Variants in SMYD3 observed in about 807,000 individuals in gnomAD.
The protein encoded by SMYD3 is SET and MYND domain containing 3, also known as histone-lysine N-methyltransferase SMYD3.
Under a neutral mutation model 57.7 loss-of-function variants are expected in SMYD3, and 36 were observed. That is an observed-to-expected ratio of 0.62 (90% CI 0.48 to 0.82). The LOEUF (loss-of-function observed/expected upper bound fraction) is 0.82. SMYD3 is among the 40% of genes least tolerant of loss of function. SMYD3 has a pLI of 0.00. For missense variants in SMYD3, 515 were observed against 538.8 expected, an observed-to-expected ratio of 0.96 and a Z score of 0.44; for synonymous variants, 211 against 195.0, an observed-to-expected ratio of 1.08 and a Z score of -0.68.
At chr1:245,752,423 A>T (rs2045429301) in intron 11 of SMYD3, among the ~76,000 whole-genome samples, 1 of 152,130 alleles carries the variant, frequency 6.6e-6, no homozygotes, top group Non-Finnish European at 1.5e-5. Flanking sequence ...CAGGTTCCCC[A>T]TCTGAAGAAT....
chr1:246,152,927 G>C (rs187531251), intron 5 of SMYD3, among the ~76,000 whole-genome samples: 56 of 152,290 alleles, frequency 3.7e-4, no homozygotes, highest in Admixed American at 3.6e-3. Flanking sequence ...CTCAATAAAT[G>C]TTAGCAATTT....
At chr1:245,780,517 T>C (rs2046786509) in intron 10 of SMYD3, among the ~76,000 whole-genome samples, 2 of 152,148 alleles carry the variant, frequency 1.3e-5, no homozygotes, top group African/African-American at 4.8e-5. Context: ...ATTAGTAGTT[T>C]CCATGGGATG....
chr1:245,958,535 T>C (rs933286914), intron 5 of SMYD3, among the ~76,000 whole-genome samples: 3 of 152,156 alleles, frequency 2.0e-5, no homozygotes, highest in African/African-American at 7.2e-5. Context: ...AGCTCAAGGG[T>C]TGCCTCCTTC....
At chr1:246,157,490 G>A (rs994370100) in intron 5 of SMYD3, among the ~76,000 whole-genome samples, 4 of 152,110 alleles carry the variant, frequency 2.6e-5, no homozygotes, top group Non-Finnish European at 5.9e-5. Flanking sequence ...GATGCCAACA[G>A]ACATTCCCTC....
At chr1:245,766,420 A>T (rs1030898283) in intron 10 of SMYD3, among the ~76,000 whole-genome samples, 173 of 147,696 alleles carry the variant, frequency 1.2e-3, no homozygotes, top group African/African-American at 4.1e-3. Flanking sequence ...AAAAAAAAAA[A>T]AAAGGCTGAA....
At chr1:246,251,488 G>C (rs1378106546) in intron 5 of SMYD3, among the ~76,000 whole-genome samples, 1 of 136,532 alleles carries the variant, frequency 7.3e-6, no homozygotes, top group Non-Finnish European at 1.6e-5. Context: ...CGGACACTGT[G>C]CCCGGCTTTA....
chr1:246,101,730 G>A (rs2061019339), intron 5 of SMYD3, among the ~76,000 whole-genome samples: 6 of 152,080 alleles, frequency 3.9e-5, no homozygotes, highest in Admixed American at 3.3e-4. Context: ...ACAGTTCAAG[G>A]AATGAAAAGA....
chr1:246,331,163 C>T (rs1018053797), intron 3 of SMYD3, among the ~76,000 whole-genome samples: 5 of 151,896 alleles, frequency 3.3e-5, no homozygotes, highest in South Asian at 2.1e-4. Flanking sequence ...AAGGACAAAT[C>T]GGGAGCCTAC....
intron 10 of SMYD3, among the ~76,000 whole-genome samples, chr1:245,783,337 T>C (rs2046908328): frequency 6.6e-6 from 1 of 152,206 alleles, no homozygotes; most frequent in Non-Finnish European, 1.5e-5. Flanking sequence ...CACTGGATTG[T>C]GAGAACCAGC....
intron 5 of SMYD3, among the ~76,000 whole-genome samples, chr1:246,056,987 A>C (rs2060162966): frequency 6.6e-6 from 1 of 152,154 alleles, no homozygotes; most frequent in Non-Finnish European, 1.5e-5. Context: ...AGTTTTCTCA[A>C]CTGCAAAATG....
intron 10 of SMYD3, among the ~76,000 whole-genome samples, chr1:245,847,845 T>C (rs191775690): frequency 1.3e-5 from 2 of 152,342 alleles, no homozygotes; most frequent in East Asian, 1.9e-4. Flanking sequence ...GAAAATGTCT[T>C]ATTCTGGAAA....
rs552104236 is a variant in SMYD3, at chr1:246,239,749, CCT to C, written c.531+87450_531+87451del. Among the ~76,000 whole-genome samples, 1,058 of 152,064 alleles carry C rather than the reference CCT, an allele frequency of 7.0e-3. 14 individuals carry two copies. The highest frequency in any genetic ancestry group is 0.023 in the African/African-American group (972 of 41,452). The stretch of plus-strand genomic sequence containing the variant: ...GTATTTCTCCACATCTTCTCCAGCA[CCT>C]GTTGTTTCCTGACTTTTTAATGATC... On this transcript the variant is annotated intron_variant, in intron 5 of 11. Coordinates refer to ENST00000490107, the MANE Select transcript of SMYD3 (RefSeq NM_001167740.2).
intron 1 of SMYD3, among the ~76,000 whole-genome samples, chr1:246,374,785 C>A (rs1259214931): frequency 6.6e-6 from 1 of 152,062 alleles, no homozygotes; most frequent in African/African-American, 2.4e-5. Flanking sequence ...CCAGCCTGGC[C>A]AACATGGCAA....
chr1:246,113,121 G>A (rs2061277485), intron 5 of SMYD3, among the ~76,000 whole-genome samples: 1 of 151,938 alleles, frequency 6.6e-6, no homozygotes, highest in Non-Finnish European at 1.5e-5. Flanking sequence ...GGCGGAGCTT[G>A]CAGTGAGCCG....
chr1:246,005,376 C>T (rs568268938), intron 5 of SMYD3, among the ~76,000 whole-genome samples: 9 of 152,310 alleles, frequency 5.9e-5, no homozygotes, highest in Admixed American at 3.9e-4. Context: ...GTGGAGCCAA[C>T]GCTGTACTTG....
intron 3 of SMYD3, among the ~76,000 whole-genome samples, chr1:246,332,037 A>T (rs1366825684): frequency 6.6e-6 from 1 of 152,176 alleles, no homozygotes; most frequent in East Asian, 1.9e-4. Flanking sequence ...GTATTCTCTG[A>T]CACAACAATA....
At chr1:246,310,380 TCTTC>T (rs2065055839) in intron 5 of SMYD3, among the ~76,000 whole-genome samples, 1 of 152,230 alleles carries the variant, frequency 6.6e-6, no homozygotes, top group South Asian at 2.1e-4. Context: ...AGCTTTTAGC[TCTTC>T]CCATTAGTGA....
In SMYD3 at chr1:246,247,444, A is replaced by ACT. The variant is rs143476169; in HGVS notation, c.531+79755_531+79756dup. ...CTGTGGTTTAAGAAAGAGAAGGATAACTCTCTCTCTCTCTCTCTCTCTATA... is the reference window on the plus strand; with the variant it reads ...CTGTGGTTTAAGAAAGAGAAGGATAACTCTCTCTCTCTCTCTCTCTCTCTATA... On this transcript the variant is annotated intron_variant, in intron 5 of 11. Coordinates refer to ENST00000490107, the MANE Select transcript of SMYD3 (RefSeq NM_001167740.2). Among the ~76,000 whole-genome samples, 1,240 of 142,732 alleles carry ACT rather than the reference A, an allele frequency of 8.7e-3. 19 individuals are homozygous for ACT. The highest frequency in any genetic ancestry group is 0.029 in the Middle Eastern group (8 of 272). 93.6% of individuals were successfully genotyped at this position (142,732 alleles called of 152,430 possible).
rs572208336 is a variant in SMYD3 at position 246,190,563 on chromosome 1, T to C, written c.531+136638A>G. On this transcript the variant is annotated intron_variant, in intron 5 of 11. Coordinates refer to ENST00000490107, the MANE Select transcript of SMYD3 (RefSeq NM_001167740.2). ...TCGTGCCATTGCACTCCAACCTAGG[T>C]GACAGAGTAAGACTCTGTCTCAAAA... Among the ~76,000 whole-genome samples the C allele has an allele frequency of 3.6e-5, 4 of 111,744 alleles. No homozygotes were observed. In the East Asian group the frequency reaches 9.7e-4, roughly 27 times the overall value. The allele number at this position is 111,744 out of a possible 152,430, so 73.3% of individuals were successfully genotyped here.
Sources: gnomAD v4.1 joint callset for allele counts (sites outside exome capture counted in the v4.1 genomes callset) on GRCh38, gnomAD v4.1.1 for gene constraint, MANE v1.5 for transcripts, NCBI Gene and HGNC (gene_info 2026-07-23, HGNC 2026-07-21) for gene names.